The following INPP4B variants were observed in gnomAD, a reference collection of about 807,000 sequenced individuals.
INPP4B encodes inositol polyphosphate-4-phosphatase type II B.
Under a neutral mutation model 122.5 loss-of-function variants are expected in INPP4B, and 55 were observed. That is an observed-to-expected ratio of 0.45 (90% CI 0.36 to 0.56). The LOEUF (loss-of-function observed/expected upper bound fraction) is 0.56, where lower values mean the gene tolerates loss of function less well. Among genes scored for constraint, INPP4B ranks in the 20% least tolerant of loss-of-function variants. The probability of loss-of-function intolerance (pLI) is 0.00; values close to 1 mark genes in which losing one functional copy is unlikely to be tolerated. For synonymous variants in INPP4B, 403 were observed against 388.7 expected, an observed-to-expected ratio of 1.04 and a Z score of -0.43; for missense variants, 1,000 against 1,097.7, an observed-to-expected ratio of 0.91 and a Z score of 1.26.
chr4:142,616,969 A>G (rs769846707), intron 2 of INPP4B, among the ~76,000 whole-genome samples: 1 of 152,132 alleles, frequency 6.6e-6, no homozygotes, highest in Non-Finnish European at 1.5e-5. Context: ...ATGAGGAATT[A>G]AATACTACCT....
chr4:142,422,057 G>T (rs1306028928), intron 5 of INPP4B, among the ~76,000 whole-genome samples: 1 of 152,022 alleles, frequency 6.6e-6, no homozygotes, highest in Non-Finnish European at 1.5e-5. Context: ...AACGTAGACC[G>T]TTGAGAATCT....
chr4:142,738,484 A>C (rs1347669489), intron 1 of INPP4B, among the ~76,000 whole-genome samples: 1 of 152,130 alleles, frequency 6.6e-6, no homozygotes. Context: ...GGGGAGGGAT[A>C]GCATTAGGAG....
At chr4:142,328,401 T>C (rs531751409) in intron 7 of INPP4B, among the ~76,000 whole-genome samples, 2 of 152,204 alleles carry the variant, frequency 1.3e-5, no homozygotes, top group Non-Finnish European at 2.9e-5. Context: ...TCAAGTGTGA[T>C]CCAATCAGAT....
At chr4:142,501,314 T>C (rs563965446) in intron 2 of INPP4B, among the ~76,000 whole-genome samples, 1 of 152,288 alleles carries the variant, frequency 6.6e-6, no homozygotes, top group South Asian at 2.1e-4. Flanking sequence ...CAAACCATTT[T>C]AACTGATTAG....
intron 2 of INPP4B, among the ~76,000 whole-genome samples, chr4:142,569,921 A>T (rs953145148): frequency 9.9e-5 from 15 of 152,144 alleles, no homozygotes; most frequent in African/African-American, 3.6e-4. Flanking sequence ...ATACATAGGT[A>T]ATAAAATAAA....
At chr4:142,791,035 ATAACTATTTGGTG>A (rs1424181063) in intron 1 of INPP4B, among the ~76,000 whole-genome samples, 2 of 152,282 alleles carry the variant, frequency 1.3e-5, no homozygotes, top group Non-Finnish European at 2.9e-5. Flanking sequence ...TATATAAAAC[ATAACTATTTGGTG>A]AAACTTGATG....
chr4:142,142,353 G>C (rs1808310834), intron 18 of INPP4B, among the ~76,000 whole-genome samples: 1 of 152,102 alleles, frequency 6.6e-6, no homozygotes, highest in Non-Finnish European at 1.5e-5. Context: ...ATTTAAGGCT[G>C]AAAAGATTGT....
At position 142,686,003 on chromosome 4, in the gene INPP4B, C is replaced by T. The variant is rs184965557; in HGVS notation, c.-191+39836G>A. Among the ~76,000 whole-genome samples, 161 of 152,170 alleles carry T rather than the reference C, an allele frequency of 1.1e-3. 3 individuals are homozygous for T. Among genetic ancestry groups the T allele is most frequent in the Admixed American group, 8.5e-3 (129 of 15,260 alleles). ...ATAGGTTAACAAAGCCCAGAAGCCT[C>T]GCTTTGAATTCTGAATACACCAAAA... On this transcript the variant is annotated intron_variant, in intron 2 of 25. Transcript: ENST00000262992.
At chr4:142,300,289 A>G (rs898158661) in intron 9 of INPP4B, among the ~76,000 whole-genome samples, 9 of 152,154 alleles carry the variant, frequency 5.9e-5, no homozygotes, top group Non-Finnish European at 1.3e-4. Flanking sequence ...GCTTGTATAG[A>G]AGACGATGGA....
chr4:142,421,507 G>A (rs1806892492), intron 5 of INPP4B, among the ~76,000 whole-genome samples: 1 of 152,000 alleles, frequency 6.6e-6, no homozygotes, highest in African/African-American at 2.4e-5. Context: ...AAAGACTTGT[G>A]TTCATTTAGA....
chr4:142,078,879 G>T (rs952417666), intron 25 of INPP4B, among the ~76,000 whole-genome samples: 1 of 151,890 alleles, frequency 6.6e-6, no homozygotes, highest in African/African-American at 2.4e-5. Context: ...AAAATAAACT[G>T]CAACTGATGT....
chr4:142,806,367 T>C (rs550401063), intron 1 of INPP4B, among the ~76,000 whole-genome samples: 45 of 151,334 alleles, frequency 3.0e-4, no homozygotes, highest in African/African-American at 1.1e-3. Flanking sequence ...ATAATATATA[T>C]GTATTACCTC....
At chr4:142,327,055 AAAGC>A (rs1392079957) in intron 7 of INPP4B, among the ~76,000 whole-genome samples, 2 of 152,218 alleles carry the variant, frequency 1.3e-5, no homozygotes, top group Non-Finnish European at 2.9e-5. Flanking sequence ...AGAGTTTTAA[AAAGC>A]AAATATCTAT....
intron 2 of INPP4B, among the ~76,000 whole-genome samples, chr4:142,640,085 G>A (rs925342510): frequency 3.9e-5 from 6 of 151,970 alleles, no homozygotes; most frequent in African/African-American, 4.8e-5. Flanking sequence ...AGGATACGAG[G>A]GCAACAGGTG....
intron 2 of INPP4B, among the ~76,000 whole-genome samples, chr4:142,666,639 CTG>C (rs149022331): frequency 7.3e-5 from 11 of 151,606 alleles, no homozygotes; most frequent in Admixed American, 2.0e-4. Context: ...TTGGCCTTCT[CTG>C]TGTGTGTGTG....
chr4:142,684,466 G>A (rs903264181), intron 2 of INPP4B, among the ~76,000 whole-genome samples: 1 of 151,904 alleles, frequency 6.6e-6, no homozygotes, highest in African/African-American at 2.4e-5. Flanking sequence ...TTAATGATAT[G>A]AATGAAGTCT....
intron 11 of INPP4B, among the ~76,000 whole-genome samples, chr4:142,256,426 G>T (rs1242434042): frequency 0.016 from 2,382 of 151,830 alleles, 64 homozygotes; most frequent in African/African-American, 0.055. Context: ...GCTGGTTTTT[G>T]GAAAGGATCA....
intron 7 of INPP4B, among the ~76,000 whole-genome samples, chr4:142,335,937 A>T (rs1312842439): frequency 3.5e-4 from 53 of 152,330 alleles, no homozygotes; most frequent in Non-Finnish European, 5.9e-5. Context: ...AGGTTCTGGT[A>T]CAGTCCACGA....
chr4:142,423,030 G>T (rs6820232), intron 5 of INPP4B, among the ~76,000 whole-genome samples: 1 of 151,844 alleles, frequency 6.6e-6, no homozygotes. Context: ...CCTTCAGCTA[G>T]CATGCCATGT....
Sources: allele counts gnomAD v4.1 joint callset (sites outside exome capture counted in the v4.1 genomes callset), GRCh38; gene constraint gnomAD v4.1.1; transcripts MANE v1.5; gene names NCBI Gene and HGNC (gene_info 2026-07-23, HGNC 2026-07-21).